Variants in ARID1B observed in about 807,000 individuals in gnomAD.
The protein encoded by ARID1B is AT-rich interaction domain 1B, also known as AT-rich interactive domain-containing protein 1B.
In ARID1B, 30 loss-of-function variants were observed where a neutral mutation model predicts 212.3. That is an observed-to-expected ratio of 0.14 (90% CI 0.11 to 0.19). The LOEUF (loss-of-function observed/expected upper bound fraction) is 0.19. Ranked by LOEUF, ARID1B falls within the 10% of genes least tolerant of loss-of-function variation. ARID1B has a pLI of 1.00. For synonymous variants in ARID1B, 1,402 were observed against 1,301.7 expected (o/e 1.08, Z -1.66); for missense variants, 2,891 against 3,204.0 (o/e 0.90, Z 2.36).
intron 4 of ARID1B, among the ~76,000 whole-genome samples, chr6:157,020,576 G>A (rs1780171287): frequency 6.6e-6 from 1 of 152,106 alleles, no homozygotes; most frequent in African/African-American, 2.4e-5. Flanking sequence ...TAAATAGTAG[G>A]TAGAACTGAA....
chr6:157,090,676 T>C (rs1023682676), intron 5 of ARID1B, among the ~76,000 whole-genome samples: 1 of 152,238 alleles, frequency 6.6e-6, no homozygotes, highest in Non-Finnish European at 1.5e-5. Flanking sequence ...CTTTTCACAT[T>C]TCGTGCTTCG....
Position 157,094,083 on chromosome 6 carries a change from G to A in ARID1B, c.2491+9178G>A, listed in dbSNP as rs999482860. Among the ~76,000 whole-genome samples the A allele has an allele frequency of 3.3e-5, 5 of 152,188 alleles. No homozygotes were observed. The highest frequency in any genetic ancestry group is 5.9e-5 in the Non-Finnish European group (4 of 68,050). ...TAGATAGCAGTGGCTAGTTAGGGCA[G>A]GTGTCTCTCTTAGAAGCTGATATTT... On this transcript the variant is annotated intron_variant, in intron 5 of 19. Transcript: ENST00000636930. The surrounding 1 kb of genome is among the most constrained non-coding windows in gnomAD (Gnocchi z 4.3).
At chr6:157,022,565 G>T (rs1417406360) in intron 4 of ARID1B, 1 of 152,172 alleles carries the variant, frequency 6.6e-6, no homozygotes, top group Non-Finnish European at 1.5e-5. Flanking sequence ...AGGAACATTT[G>T]ACGACTTTTT....
At chr6:156,964,445 C>G (rs2128330287) in intron 4 of ARID1B, among the ~76,000 whole-genome samples, 1 of 152,096 alleles carries the variant, frequency 6.6e-6, no homozygotes, top group East Asian at 1.9e-4. Context: ...AAAAAAAGTC[C>G]CGTCATCCCT....
chr6:157,202,725 TTATA>T (rs886464712), intron 18 of ARID1B, among the ~76,000 whole-genome samples: 2 of 148,882 alleles, frequency 1.3e-5, no homozygotes, highest in South Asian at 2.1e-4. Context: ...CTATATCCCT[TTATA>T]TATATATATA....
intron 4 of ARID1B, among the ~76,000 whole-genome samples, chr6:157,072,854 A>G (rs934015863): frequency 2.0e-5 from 3 of 152,206 alleles, no homozygotes; most frequent in Non-Finnish European, 4.4e-5. Context: ...TCACTTGCCC[A>G]ATGTCACACC....
rs1417898123 is a variant in ARID1B at position 156,778,978 on chromosome 6, C to T, written c.1298C>T (p.Ala433Val). 1.0e-5 allele frequency: 13 copies of T among 1,273,488 alleles called. No homozygotes were observed. Among genetic ancestry groups the T allele is most frequent in the East Asian group, 3.2e-5 (1 of 31,294 alleles). The allele number at this position is 1,273,488 out of a possible 1,614,324, so 78.9% of individuals were successfully genotyped here. The stretch of plus-strand genomic sequence containing the variant: ...GCGGCCGCGGCGGCGGCGGCAGCAG[C>T]AGGAGGCGGCGGCGGCGGCGGCTAT... ...AAAAAAAAAA[A>V]GGGGGGGYGG... The change falls in exon 1 of 20, where the codon GCA becomes GTA. Residue 433 changes from alanine (A) to valine (V), a missense_variant. Transcript: ENST00000636930.
In ARID1B at chr6:157,080,465, T is replaced by G. The variant is rs562742653; in HGVS notation, c.2248-4197T>G. The stretch of plus-strand genomic sequence containing the variant: ...TATTTTTAGGAAGGATCATGTACAA[T>G]CTGTAGGCATGAGAGAGTCTTTATA... On this transcript the variant is annotated intron_variant, in intron 4 of 19. Transcript: ENST00000636930. 2.0e-5 allele frequency among the ~76,000 whole-genome samples: 3 copies of G among 152,312 alleles called. No homozygotes were observed. In the East Asian group the frequency reaches 5.8e-4, roughly 29 times the overall value.
intron 2 of ARID1B, among the ~76,000 whole-genome samples, chr6:156,864,744 T>C (rs1206478931): frequency 6.6e-6 from 1 of 152,124 alleles, no homozygotes; most frequent in Non-Finnish European, 1.5e-5. Context: ...AGTACTCCCT[T>C]CTCACTTGGC....
At chr6:156,916,346 G>A (rs1383208250) in intron 3 of ARID1B, among the ~76,000 whole-genome samples, 1 of 152,082 alleles carries the variant, frequency 6.6e-6, no homozygotes, top group Non-Finnish European at 1.5e-5. Context: ...TATTCTTCCT[G>A]TTGTAGATAG....
intron 2 of ARID1B, among the ~76,000 whole-genome samples, chr6:156,893,751 T>G (rs1350586463): frequency 1.3e-5 from 2 of 152,198 alleles, no homozygotes; most frequent in Non-Finnish European, 2.9e-5. Context: ...CCAGTATTAG[T>G]ACAGCTGATA....
chr6:156,981,770 TAAC>T lies in ARID1B; in HGVS notation c.2247+46195_2247+46197del, dbSNP rs532970760. The stretch of plus-strand genomic sequence containing the variant: ...CTATACTTATACTGTAATACTATAA[TAAC>T]TTAGTTTTGCTTGGAGTTCATTACC... On this transcript the variant is annotated intron_variant, in intron 4 of 19. Transcript: ENST00000636930. Among the ~76,000 whole-genome samples the T allele has an allele frequency of 4.4e-3, 673 of 152,340 alleles. 5 individuals are homozygous for T. Among genetic ancestry groups the T allele is most frequent in the African/African-American group, 0.015 (641 of 41,582 alleles).
chr6:157,183,198 A>G (rs976860124), intron 12 of ARID1B, among the ~76,000 whole-genome samples: 27 of 152,262 alleles, frequency 1.8e-4, no homozygotes, highest in African/African-American at 6.3e-4. Flanking sequence ...GGTCACACTG[A>G]GCAGCGCCCA....
intron 3 of ARID1B, among the ~76,000 whole-genome samples, chr6:156,914,565 T>C (rs1790193923): frequency 6.6e-6 from 1 of 152,232 alleles, no homozygotes; most frequent in Non-Finnish European, 1.5e-5. Flanking sequence ...CCTCTTTTTT[T>C]GTGGCTCTAC....
chr6:157,040,443 C>T (rs995104765), intron 4 of ARID1B, among the ~76,000 whole-genome samples: 2 of 152,184 alleles, frequency 1.3e-5, no homozygotes, highest in Non-Finnish European at 2.9e-5. Context: ...TGTCGCCGCT[C>T]CTTTTAGTGA....
At chr6:156,999,927 G>A (rs10485201) in intron 4 of ARID1B, among the ~76,000 whole-genome samples, 44,147 of 152,116 alleles carry the variant, frequency 0.29, 6,600 homozygotes, top group Non-Finnish European at 0.32. Context: ...CAACCAATAA[G>A]TTAAAAAGAT....
intron 4 of ARID1B, among the ~76,000 whole-genome samples, chr6:156,980,036 G>A (rs1173328237): frequency 6.6e-6 from 1 of 152,154 alleles, no homozygotes; most frequent in African/African-American, 2.4e-5. Context: ...TGATTGTAAT[G>A]TGGCCTTTCC....
rs367851681 is a variant in ARID1B at position 157,010,278 on chromosome 6, GTTTTT to G, written c.2248-74362_2248-74358del. ...TTTTGTTAACATTTATGCATTGCCT[GTTTTT>G]TTTTTTTTTTTTTTTTTTTTTGTTG... On this transcript the variant is annotated intron_variant, in intron 4 of 19. Transcript: ENST00000636930. Among the ~76,000 whole-genome samples the G allele has an allele frequency of 9.1e-3, 931 of 102,120 alleles. 3 individuals carry two copies. The highest frequency in any genetic ancestry group is 0.014 in the Non-Finnish European group (696 of 50,992). 67.0% of individuals were successfully genotyped at this position (102,120 alleles called of 152,430 possible). A position where few individuals can be genotyped will look rare whatever the true frequency, so the allele number is the denominator to read the frequency against.
intron 4 of ARID1B, among the ~76,000 whole-genome samples, chr6:157,053,946 C>T (rs550252074): frequency 7.9e-5 from 12 of 151,408 alleles, no homozygotes; most frequent in African/African-American, 2.4e-4. Context: ...AACATTAGGC[C>T]GGGCACAGGG....
Sources: gnomAD v4.1 joint callset for allele counts (sites outside exome capture counted in the v4.1 genomes callset) on GRCh38, gnomAD v4.1.1 for gene constraint, Gnocchi (gnomAD v3.1) non-coding constraint, MANE v1.5 for transcripts, NCBI Gene and HGNC (gene_info 2026-07-23, HGNC 2026-07-21) for gene names.